Variants in SLC30A8 observed in about 807,000 individuals in gnomAD.
The protein encoded by SLC30A8 is proton-coupled zinc antiporter SLC30A8.
SLC30A8 carries 27 observed loss-of-function variants against 36.9 expected under a neutral mutation model. The ratio of observed to expected loss-of-function variants is 0.73; its 90% CI spans 0.54 to 1.01. SLC30A8 has a LOEUF of 1.01. SLC30A8 is among the 50% of genes least tolerant of loss of function. SLC30A8 has a pLI of 0.00. For synonymous variants in SLC30A8, 164 were observed against 172.4 expected (o/e 0.95, Z 0.38); for missense variants, 439 against 452.0 (o/e 0.97, Z 0.26).
chr8:116,960,899 A>C (rs1407413331), intron 1 of SLC30A8, among the ~76,000 whole-genome samples: 1 of 152,090 alleles, frequency 6.6e-6, no homozygotes, highest in African/African-American at 2.4e-5. Flanking sequence ...TTTGCATGCT[A>C]TTGTGACTTG....
intron 1 of SLC30A8, among the ~76,000 whole-genome samples, chr8:116,966,257 G>C (rs899037572): frequency 6.6e-6 from 1 of 152,124 alleles, no homozygotes; most frequent in Non-Finnish European, 1.5e-5. Context: ...AGTGATTTGT[G>C]CCTTCAACAC....
chr8:117,161,977 G>A (rs906354975), intron 5 of SLC30A8, 89 bp downstream of exon 5: 6 of 1,192,244 alleles, frequency 5.0e-6, no homozygotes, highest in African/African-American at 1.5e-5. Flanking sequence ...AAGAGAATGG[G>A]CATCCTCTGT....
At chr8:116,957,011 G>A (rs1054032742) in intron 1 of SLC30A8, among the ~76,000 whole-genome samples, 2 of 152,112 alleles carry the variant, frequency 1.3e-5, no homozygotes, top group African/African-American at 4.8e-5. Flanking sequence ...CATGATATGA[G>A]TGCAAAACAA....
chr8:117,091,974 C>A (rs1009176167), intron 2 of SLC30A8, among the ~76,000 whole-genome samples: 2 of 152,106 alleles, frequency 1.3e-5, no homozygotes, highest in Non-Finnish European at 2.9e-5. Flanking sequence ...ACCAAGGAAT[C>A]CCATCATGTC....
intron 1 of SLC30A8, among the ~76,000 whole-genome samples, chr8:116,985,358 C>G (rs1411593119): frequency 6.7e-6 from 1 of 148,258 alleles, no homozygotes. Flanking sequence ...TTTTTAAAAC[C>G]CAAAGGGGAC....
chr8:117,137,172 A>G lies in SLC30A8; in HGVS notation c.71+1774A>G, dbSNP rs750327002. On this transcript the variant is annotated intron_variant, in intron 1 of 7. Transcript: ENST00000456015. ...ATGTGGGCTCCTGAATCCTTAATCT[A>G]TCTCCTCCTTAGGTCACATGTCCCT... Among the ~76,000 whole-genome samples, 124 of 151,814 alleles carry G rather than the reference A, an allele frequency of 8.2e-4. 2 individuals are homozygous for G. The highest frequency in any genetic ancestry group is 8.7e-4 in the Non-Finnish European group (59 of 67,882).
chr8:116,965,275 T>C (rs1313558994), intron 1 of SLC30A8, among the ~76,000 whole-genome samples: 3 of 152,146 alleles, frequency 2.0e-5, no homozygotes, highest in African/African-American at 7.2e-5. Flanking sequence ...GCGAAGAAAG[T>C]GGGTCTCCAA....
At chr8:117,014,928 T>A (rs569807377) in intron 1 of SLC30A8, among the ~76,000 whole-genome samples, 18 of 152,180 alleles carry the variant, frequency 1.2e-4, no homozygotes, top group African/African-American at 4.3e-4. Flanking sequence ...GTCTCAGTAA[T>A]TGGCTTTGCG....
intron 2 of SLC30A8, among the ~76,000 whole-genome samples, chr8:117,116,459 C>T (rs747515325): frequency 3.0e-4 from 46 of 151,942 alleles, no homozygotes; most frequent in African/African-American, 4.4e-4. Context: ...CATAAGGCAA[C>T]GGCTCAGATG....
At chr8:117,003,498 A>T (rs1816081182) in intron 1 of SLC30A8, among the ~76,000 whole-genome samples, 2 of 152,178 alleles carry the variant, frequency 1.3e-5, no homozygotes, top group African/African-American at 4.8e-5. Flanking sequence ...GATTGTTATT[A>T]TCCTTGAATT....
chr8:117,123,678 G>A (rs1354743675), intron 2 of SLC30A8, among the ~76,000 whole-genome samples: 1 of 151,974 alleles, frequency 6.6e-6, no homozygotes, highest in Non-Finnish European at 1.5e-5. Flanking sequence ...TCACGTAAGT[G>A]TATAATTCAA....
At chr8:117,124,583 A>G (rs1471906726) in intron 2 of SLC30A8, among the ~76,000 whole-genome samples, 1 of 151,386 alleles carries the variant, frequency 6.6e-6, no homozygotes, top group Non-Finnish European at 1.5e-5. Flanking sequence ...ATTGGGAAGA[A>G]TTAGCAACAT....
At chr8:116,982,654 T>C (rs986179945) in intron 1 of SLC30A8, among the ~76,000 whole-genome samples, 5 of 152,176 alleles carry the variant, frequency 3.3e-5, no homozygotes, top group Non-Finnish European at 2.9e-5. Context: ...AATCAATTTT[T>C]TTCCCTATCA....
intron 3 of SLC30A8, among the ~76,000 whole-genome samples, chr8:117,155,878 A>G (rs1037646561): frequency 1.3e-5 from 2 of 152,070 alleles, no homozygotes; most frequent in Admixed American, 6.6e-5. Flanking sequence ...TCATGTTTAC[A>G]TGGCATTTTC....
Position 116,975,790 on chromosome 8 carries a change from A to G in SLC30A8, c.-266+24671A>G, listed in dbSNP as rs1476387759. On this transcript the variant is annotated intron_variant, in intron 1 of 10. Coordinates refer to the SLC30A8 transcript ENST00000427715. Reference sequence around the variant, plus strand: ...TCTAAATTGAAGGTCCAGAGATTTGAGGCCAGCAAGGTTGGAAAAGCCAGC... The same window carrying G: ...TCTAAATTGAAGGTCCAGAGATTTGGGGCCAGCAAGGTTGGAAAAGCCAGC... 5.9e-5 allele frequency among the ~76,000 whole-genome samples: 9 copies of G among 152,204 alleles called. 2 individuals are homozygous for G. The South Asian group carries it at 1.9e-3, about 31-fold the overall frequency.
intron 2 of SLC30A8, among the ~76,000 whole-genome samples, chr8:117,057,649 C>G (rs1817912956): frequency 6.6e-6 from 1 of 152,072 alleles, no homozygotes; most frequent in African/African-American, 2.4e-5. Flanking sequence ...GCTTATTTCA[C>G]AGAGTAATGT....
intron 2 of SLC30A8, among the ~76,000 whole-genome samples, chr8:117,129,093 G>C (rs561252115): frequency 6.6e-6 from 1 of 152,110 alleles, no homozygotes; most frequent in Admixed American, 6.6e-5. Context: ...ACACTGTTGG[G>C]TGGCAATTAG....
chr8:117,084,412 C>T (rs1818790866), intron 2 of SLC30A8, among the ~76,000 whole-genome samples: 1 of 152,074 alleles, frequency 6.6e-6, no homozygotes, highest in African/African-American at 2.4e-5. Context: ...TCAAATTTGA[C>T]CCTTGTATCA....
intron 6 of SLC30A8, among the ~76,000 whole-genome samples, chr8:117,166,098 A>G (rs1360939867): frequency 6.6e-6 from 1 of 152,178 alleles, no homozygotes; most frequent in East Asian, 1.9e-4. Context: ...ACAATAATAT[A>G]TAGTTCCAAA....
Sources: gnomAD v4.1 joint callset for allele counts (sites outside exome capture counted in the v4.1 genomes callset) on GRCh38, gnomAD v4.1.1 for gene constraint, MANE v1.5 for transcripts, NCBI Gene and HGNC (gene_info 2026-07-23, HGNC 2026-07-21) for gene names.